Variants in LRRTM4 observed in about 807,000 individuals in gnomAD.
LRRTM4 encodes the protein leucine rich repeat transmembrane neuronal 4.
Under a neutral mutation model 47.6 loss-of-function variants are expected in LRRTM4, and 25 were observed. The observed-to-expected ratio is 0.53, with a 90% CI of 0.38 to 0.73. The LOEUF is 0.73. Among genes scored for constraint, LRRTM4 ranks in the 30% least tolerant of loss-of-function variants. The pLI is 0.00. For missense variants in LRRTM4, 638 were observed against 713.4 expected (o/e 0.89, Z 1.20); for synonymous variants, 311 against 269.5 (o/e 1.15, Z -1.51).
chr2:77,156,103 C>G (rs1672553044), intron 3 of LRRTM4, among the ~76,000 whole-genome samples: 1 of 151,858 alleles, frequency 6.6e-6, no homozygotes, highest in East Asian at 1.9e-4. Context: ...ATAAAGTACT[C>G]TGAAAGGTAT....
At chr2:77,426,836 C>T (rs1245928686) in intron 3 of LRRTM4, among the ~76,000 whole-genome samples, 1 of 151,676 alleles carries the variant, frequency 6.6e-6, no homozygotes, top group Admixed American at 6.6e-5. Context: ...CACATGCACA[C>T]ACACACACAC....
At chr2:77,458,351 TTG>T (rs1676645639) in intron 3 of LRRTM4, among the ~76,000 whole-genome samples, 1 of 152,120 alleles carries the variant, frequency 6.6e-6, no homozygotes, top group South Asian at 2.1e-4. Flanking sequence ...TCGTTTCTTT[TTG>T]TGTTTCTCAG....
intron 3 of LRRTM4, among the ~76,000 whole-genome samples, chr2:76,977,582 GC>G (rs149830363): frequency 0.014 from 2,064 of 151,986 alleles, 48 homozygotes; most frequent in African/African-American, 0.047. Context: ...ACCTCTCAAT[GC>G]CCAAGGCATA....
chr2:77,267,702 T>A (rs1247008803), intron 3 of LRRTM4, among the ~76,000 whole-genome samples: 1 of 150,006 alleles, frequency 6.7e-6, no homozygotes, highest in Non-Finnish European at 1.5e-5. Flanking sequence ...TCCAGAATAT[T>A]TTTTTTTGAT....
intron 3 of LRRTM4, among the ~76,000 whole-genome samples, chr2:76,765,790 G>C (rs62170450): frequency 1.5e-4 from 23 of 152,160 alleles, no homozygotes; most frequent in Non-Finnish European, 2.1e-4. Context: ...CTGAGAGCCT[G>C]AGCCTGCTAA....
chr2:76,834,203 G>A (rs1240967723), intron 3 of LRRTM4, among the ~76,000 whole-genome samples: 1 of 128,144 alleles, frequency 7.8e-6, no homozygotes, highest in African/African-American at 3.2e-5. Context: ...AGCATGCCAA[G>A]CTAATTTTTT....
intron 3 of LRRTM4, among the ~76,000 whole-genome samples, chr2:77,250,989 G>C (rs944101365): frequency 9.2e-5 from 14 of 151,868 alleles, no homozygotes; most frequent in African/African-American, 2.9e-4. Flanking sequence ...TGTAATCCCA[G>C]TTATTTGGAA....
chr2:77,513,400 T>C (rs1679092719), intron 3 of LRRTM4, among the ~76,000 whole-genome samples: 1 of 152,140 alleles, frequency 6.6e-6, no homozygotes, highest in South Asian at 2.1e-4. Flanking sequence ...GGAAACACTG[T>C]GCTAGCTGAG....
intron 3 of LRRTM4, among the ~76,000 whole-genome samples, chr2:77,343,481 T>C (rs970670210): frequency 2.0e-5 from 3 of 151,958 alleles, no homozygotes; most frequent in Non-Finnish European, 4.4e-5. Flanking sequence ...GTATCTTGTA[T>C]TCTGCATTGT....
chr2:77,376,798 C>T (rs989260844), intron 3 of LRRTM4, among the ~76,000 whole-genome samples: 2 of 151,814 alleles, frequency 1.3e-5, no homozygotes, highest in African/African-American at 2.4e-5. Context: ...GAAGTCTCTT[C>T]ACTGTAAAGC....
intron 3 of LRRTM4, among the ~76,000 whole-genome samples, chr2:77,307,402 T>A (rs1677311544): frequency 6.6e-6 from 1 of 150,870 alleles, no homozygotes; most frequent in Non-Finnish European, 1.5e-5. Context: ...ATCAAATAGA[T>A]TTTTTCCTGT....
intron 3 of LRRTM4, among the ~76,000 whole-genome samples, chr2:76,814,280 G>T (rs181005804): frequency 2.6e-5 from 4 of 152,232 alleles, no homozygotes; most frequent in African/African-American, 9.6e-5. Flanking sequence ...TGTGAAATGT[G>T]TTTGCGTTTT....
At chr2:76,825,995 G>A (rs575893623) in intron 3 of LRRTM4, among the ~76,000 whole-genome samples, 16 of 151,806 alleles carry the variant, frequency 1.1e-4, no homozygotes, top group South Asian at 4.1e-4. Flanking sequence ...TTGCTAACAC[G>A]AAGTAACTGA....
chr2:77,485,079 A>G (rs1041409472), intron 3 of LRRTM4, among the ~76,000 whole-genome samples: 2 of 152,128 alleles, frequency 1.3e-5, no homozygotes, highest in Admixed American at 6.5e-5. Flanking sequence ...AGCATGTTCT[A>G]TAAACTATGT....
chr2:76,851,383 G>A (rs1337623939), intron 3 of LRRTM4, among the ~76,000 whole-genome samples: 5 of 152,088 alleles, frequency 3.3e-5, no homozygotes, highest in African/African-American at 4.8e-5. Context: ...AATAGCAGGG[G>A]TTTTGCTGCA....
intron 3 of LRRTM4, among the ~76,000 whole-genome samples, chr2:76,809,433 C>T (rs993307351): frequency 1.3e-5 from 2 of 152,138 alleles, no homozygotes; most frequent in Non-Finnish European, 2.9e-5. Flanking sequence ...ACCATGGACT[C>T]TTCCATGACT....
At chr2:76,932,707 T>C (rs1330228222) in intron 3 of LRRTM4, among the ~76,000 whole-genome samples, 1 of 152,130 alleles carries the variant, frequency 6.6e-6, no homozygotes, top group Non-Finnish European at 1.5e-5. Context: ...TATATATGAA[T>C]GTGTTCATAT....
At chr2:76,943,561 T>G (rs1011280329) in intron 3 of LRRTM4, among the ~76,000 whole-genome samples, 2 of 152,246 alleles carry the variant, frequency 1.3e-5, no homozygotes, top group Non-Finnish European at 2.9e-5. Context: ...ACATTTATGC[T>G]GTATATGGTC....
rs192344264 is a variant in LRRTM4, at chr2:76,869,933, G to C, written c.1552-121017C>G. 2.0e-5 allele frequency among the ~76,000 whole-genome samples: 3 copies of C among 152,188 alleles called. No homozygotes were observed. In the East Asian group the frequency reaches 5.8e-4, roughly 29 times the overall value. On this transcript the variant is annotated intron_variant, in intron 3 of 3. Transcript: ENST00000409884. ...TTTCTTGAAATATGCCCTTCTGTGT[G>C]AATGATAGTATAAGTCATTTAGGAC...
Sources: allele counts gnomAD v4.1 joint callset (sites outside exome capture counted in the v4.1 genomes callset), GRCh38; gene constraint gnomAD v4.1.1; transcripts MANE v1.5; gene names NCBI Gene and HGNC (gene_info 2026-07-23, HGNC 2026-07-21).